The following DDX19A variants were observed in gnomAD, a reference collection of about 807,000 sequenced individuals.
The protein encoded by DDX19A is DEAD-box helicase 19A.
A neutral mutation model predicts 60.6 loss-of-function variants in DDX19A; 12 were observed. The observed-to-expected ratio is 0.20, with a 90% CI of 0.13 to 0.32. The LOEUF (loss-of-function observed/expected upper bound fraction) is 0.32, where lower values mean the gene tolerates loss of function less well. Among genes scored for constraint, DDX19A ranks in the 10% least tolerant of loss-of-function variants. DDX19A has a pLI of 1.00. For synonymous variants in DDX19A, 206 were observed against 218.2 expected (o/e 0.94, Z 0.49); for missense variants, 337 against 600.6 (o/e 0.56, Z 4.59).
chr16:70,360,498 T>C (rs1315436358), intron 4 of DDX19A, among the ~76,000 whole-genome samples: 4 of 127,602 alleles, frequency 3.1e-5, no homozygotes, highest in Non-Finnish European at 5.9e-5. Flanking sequence ...TTTTTCTTTT[T>C]TGTTTTGTTT....
chr16:70,355,639 T>G, intron 3 of DDX19A, 104 bp downstream of exon 3: 6 of 889,618 alleles, frequency 6.7e-6, no homozygotes, highest in East Asian at 2.5e-5. Flanking sequence ...ATGAGAGGAA[T>G]CAGAGAAGGA....
At chr16:70,365,178 G>A in intron 7 of DDX19A, 47 bp downstream of exon 7, 1 of 1,371,694 alleles carries the variant, frequency 7.3e-7, no homozygotes, top group Non-Finnish European at 1.0e-6. Flanking sequence ...GTAGGGGGTT[G>A]GGCGTTTGAA....
intron 5 of DDX19A, chr16:70,363,533 T>TA (rs1964429691): frequency 6.6e-6 from 1 of 151,756 alleles, no homozygotes; most frequent in African/African-American, 2.4e-5. Context: ...GATGGGGTTT[T>TA]ACCACGTTGG....
rs1173027584 is a variant in DDX19A, at chr16:70,361,523, A to G, written c.386+13A>G. On this transcript the variant is annotated intron_variant, in intron 5 of 11. Coordinates refer to ENST00000302243, the MANE Select transcript of DDX19A (RefSeq NM_018332.5). ...TGCTTGCTGAACCGTGAGTATGCAG[A>G]TGAAGCGCATCTCACCCAGTGTGAT... The G allele has an allele frequency of 6.3e-7, 1 of 1,587,390 alleles. No individual in the cohort carries two copies. Among genetic ancestry groups the G allele is most frequent in the African/African-American group, 1.3e-5 (1 of 74,588 alleles).
chr16:70,365,181 C>A, intron 7 of DDX19A, 50 bp downstream of exon 7: 1 of 1,341,216 alleles, frequency 7.5e-7, no homozygotes, highest in Non-Finnish European at 1.1e-6. Context: ...GGGGGTTGGG[C>A]GTTTGAATTT....
intron 1 of DDX19A, among the ~76,000 whole-genome samples, chr16:70,348,834 A>G (rs1263775826): frequency 6.6e-6 from 1 of 151,428 alleles, no homozygotes; most frequent in African/African-American, 2.4e-5. Context: ...AGTCCCAGTT[A>G]CTCAGGATGC....
chr16:70,355,450 G>T (rs979672056), intron 2 of DDX19A, 35 bp from the exon 3 acceptor site: 2 of 1,504,524 alleles, frequency 1.3e-6, no homozygotes, highest in African/African-American at 2.7e-5. Context: ...TCTCATATTT[G>T]CCTTTCTAAT....
intron 2 of DDX19A, among the ~76,000 whole-genome samples, chr16:70,353,916 A>C (rs968989759): frequency 6.6e-6 from 1 of 151,554 alleles, no homozygotes; most frequent in East Asian, 1.9e-4. Context: ...AAAAAAAAAA[A>C]AACACAGGCT....
In DDX19A at chr16:70,370,937, G is replaced by T. The variant is rs181231583; in HGVS notation, c.1184-435G>T. 4.5e-5 allele frequency: 11 copies of T among 245,268 alleles called. No individual in the cohort carries two copies. The East Asian group carries it at 1.1e-3, about 25-fold the overall frequency. The allele number at this position is 245,268 out of a possible 1,614,324, so 15.2% of individuals were successfully genotyped here. On this transcript the variant is annotated intron_variant, in intron 10 of 11. Coordinates refer to ENST00000302243, the MANE Select transcript of DDX19A (RefSeq NM_018332.5). ...CTTGAACCCGGGAGGTGGAGGTTAC[G>T]GTGAGTGAGATCGCGCCATTGCACT...
intron 6 of DDX19A, 133 bp downstream of exon 6, chr16:70,364,778 C>G: frequency 1.4e-6 from 1 of 727,670 alleles, no homozygotes; most frequent in Non-Finnish European, 2.3e-6. Context: ...GTTCCTACAC[C>G]AGGCCCTGAC....
chr16:70,362,748 TA>T (rs1347977589), intron 5 of DDX19A, among the ~76,000 whole-genome samples: 1 of 151,990 alleles, frequency 6.6e-6, no homozygotes, highest in Non-Finnish European at 1.5e-5. Flanking sequence ...CAGCTGACTT[TA>T]AAAAAACTTT....
In DDX19A at chr16:70,371,409, T is replaced by C; in HGVS notation, c.1221T>C (p.Phe407=). 1.2e-6 allele frequency: 2 copies of C among 1,613,574 alleles called. No homozygotes were observed. The highest frequency in any genetic ancestry group is 3.3e-5 in the Admixed American group (2 of 59,882). Residue 407 remains phenylalanine, a synonymous_variant, in exon 11 of 12, where the codon TTT becomes TTC. Transcript: ENST00000302243. ...DVEQVSVVIN[F]DLPVDKDGNP... ...AACAAGTGTCTGTCGTCATCAACTT[T>C]GATCTTCCCGTGGACAAGGACGGGA...
intron 2 of DDX19A, among the ~76,000 whole-genome samples, chr16:70,352,680 A>G (rs555243619): frequency 3.1e-4 from 40 of 130,412 alleles, no homozygotes; most frequent in Non-Finnish European, 5.1e-4. Context: ...CTCGTTGCCC[A>G]GGCTGGAGTG....
chr16:70,371,876 G>A lies in DDX19A; in HGVS notation c.1376-49G>A, dbSNP rs34586665. 7 of 1,613,746 alleles carry A rather than the reference G, an allele frequency of 4.3e-6. No homozygotes were observed. In the Admixed American group the frequency reaches 6.7e-5, roughly 15 times the overall value. On this transcript the variant is annotated intron_variant, in intron 11 of 11. Transcript: ENST00000302243. ...GAATGAATGATTGCTGTGGCCTGAG[G>A]TGGGGCACATTCCTGGGCAGGGTAG...
intron 6 of DDX19A, 110 bp downstream of exon 6, chr16:70,364,755 T>C (rs1172705471): frequency 3.6e-6 from 3 of 839,120 alleles, no homozygotes; most frequent in Non-Finnish European, 5.9e-6. Flanking sequence ...AGGCTGTGGC[T>C]CAGGCAGAGC....
In DDX19A at chr16:70,361,385, A is replaced by G. The variant is rs766405415; in HGVS notation, c.294-33A>G. The G allele has an allele frequency of 1.1e-5, 16 of 1,482,964 alleles. No individual in the cohort carries two copies. The African/African-American group carries it at 1.5e-4, about 14-fold the overall frequency. 91.9% of individuals were successfully genotyped at this position (1,482,964 alleles called of 1,614,324 possible). On this transcript the variant is annotated intron_variant, in intron 4 of 11. Coordinates refer to ENST00000302243, the MANE Select transcript of DDX19A (RefSeq NM_018332.5). ...GGCCTCTAAAACAATTCTAACTTCT[A>G]GGCATCCATCCTCTGTCTTCCTGGC...
rs114589283 is a variant in DDX19A at position 70,372,251 on chromosome 16, T to A, written c.*265T>A. The A allele has an allele frequency of 0.061, 34,993 of 571,068 alleles. 1,291 individuals carry two copies. Among genetic ancestry groups the A allele is most frequent in the South Asian group, 0.092 (4,439 of 48,084 alleles). 35.4% of individuals were successfully genotyped at this position (571,068 alleles called of 1,614,324 possible). ...TTCCCCCATCTTTATAATAATCTGGTCACAGTGGTAGTCGCTGGCCCCAGG... is the reference window on the plus strand; with the variant it reads ...TTCCCCCATCTTTATAATAATCTGGACACAGTGGTAGTCGCTGGCCCCAGG... On this transcript the variant is annotated 3_prime_UTR_variant, in exon 12 of 12. Transcript: ENST00000302243.
chr16:70,353,913 A>C (rs1964106170), intron 2 of DDX19A, among the ~76,000 whole-genome samples: 1 of 151,606 alleles, frequency 6.6e-6, no homozygotes, highest in South Asian at 2.1e-4. Flanking sequence ...AAAAAAAAAA[A>C]AAAAACACAG....
rs774331485 is a variant in DDX19A, at chr16:70,363,013, C to CA, written c.387-1514dup. ...TGGGCGACAGAGTAAGACTCTGTCT[C>CA]AAAAAAAAAAAAAAAATTTGTAGAG... On this transcript the variant is annotated intron_variant, in intron 5 of 11. Coordinates refer to ENST00000302243, the MANE Select transcript of DDX19A (RefSeq NM_018332.5). 7.8e-3 allele frequency among the ~76,000 whole-genome samples: 658 copies of CA among 84,738 alleles called. 6 individuals carry two copies. The highest frequency in any genetic ancestry group is 9.9e-3 in the Non-Finnish European group (420 of 42,218). The allele number at this position is 84,738 out of a possible 152,430, so 55.6% of individuals were successfully genotyped here.
Sources: allele counts gnomAD v4.1 joint callset (sites outside exome capture counted in the v4.1 genomes callset), GRCh38; gene constraint gnomAD v4.1.1; transcripts MANE v1.5; gene names NCBI Gene and HGNC (gene_info 2026-07-23, HGNC 2026-07-21).